AGBL1: variants seen among roughly 807,000 people sequenced by gnomAD.
AGBL1 encodes cytosolic carboxypeptidase 4.
AGBL1 carries 130 observed loss-of-function variants against 118.9 expected under a neutral mutation model. That is an observed-to-expected ratio of 1.09 (90% confidence interval 0.95 to 1.26). The LOEUF (loss-of-function observed/expected upper bound fraction) is 1.26. Among genes scored for constraint, AGBL1 ranks in the 50% most tolerant of loss-of-function variants. AGBL1 has a pLI of 0.00. For missense variants in AGBL1, 1,584 were observed against 1,298.1 expected, an observed-to-expected ratio of 1.22 and a Z score of -3.38; for synonymous variants, 555 against 478.9, an observed-to-expected ratio of 1.16 and a Z score of -2.08.
At position 86,986,693 on chromosome 15, in the gene AGBL1, C is replaced by T. The variant is rs147219277; in HGVS notation, c.3222-1294C>T. 6.7e-4 allele frequency among the ~76,000 whole-genome samples: 102 copies of T among 152,220 alleles called. 1 individual carries two copies. Among genetic ancestry groups the T allele is most frequent in the Non-Finnish European group, 8.7e-4 (59 of 68,022 alleles). ...GAATGATCAATAGATGAACATTGTACATCTCTTCATTTATTTGTGTTTATT... is the reference window on the plus strand; with the variant it reads ...GAATGATCAATAGATGAACATTGTATATCTCTTCATTTATTTGTGTTTATT... On this transcript the variant is annotated intron_variant, in intron 23 of 24. Coordinates refer to the AGBL1 transcript ENST00000441037.
chr15:86,680,846 C>T (rs1220249636), intron 22 of AGBL1, among the ~76,000 whole-genome samples: 1 of 151,966 alleles, frequency 6.6e-6, no homozygotes, highest in African/African-American at 2.4e-5. Flanking sequence ...GGATTACAGG[C>T]GTGAGCCACT....
At chr15:86,253,263 TG>T (rs1243176985) in intron 7 of AGBL1, among the ~76,000 whole-genome samples, 1 of 152,136 alleles carries the variant, frequency 6.6e-6, no homozygotes, top group African/African-American at 2.4e-5. Context: ...TTGTTTGTTT[TG>T]TTTTGAGATG....
chr15:86,338,469 T>G (rs4887437), intron 17 of AGBL1, among the ~76,000 whole-genome samples: 76,149 of 151,614 alleles, frequency 0.5, 20,295 homozygotes, highest in Non-Finnish European at 0.6. Flanking sequence ...GAGTGATACG[T>G]TATGTTTTAT....
intron 24 of AGBL1, among the ~76,000 whole-genome samples, chr15:86,993,253 A>AT (rs2081350284): frequency 6.6e-6 from 1 of 152,184 alleles, no homozygotes; most frequent in South Asian, 2.1e-4. Context: ...TTCTCCTTGT[A>AT]ACCCCAGTTT....
At chr15:86,564,984 G>C (rs1330200166) in intron 21 of AGBL1, among the ~76,000 whole-genome samples, 2 of 152,034 alleles carry the variant, frequency 1.3e-5, no homozygotes, top group African/African-American at 4.8e-5. Flanking sequence ...AGCTCCATCA[G>C]GTCCTTTAAG....
At chr15:86,624,803 G>A (rs976368652) in intron 21 of AGBL1, among the ~76,000 whole-genome samples, 3 of 152,114 alleles carry the variant, frequency 2.0e-5, no homozygotes, top group African/African-American at 7.2e-5. Flanking sequence ...AGGGAGACAA[G>A]GTCTGAAAGG....
chr15:86,796,530 A>C (rs74808421), intron 22 of AGBL1, among the ~76,000 whole-genome samples: 1,566 of 152,338 alleles, frequency 0.01, 28 homozygotes, highest in African/African-American at 0.036. Flanking sequence ...AGAATCTTTA[A>C]TAGTGGCCCA....
intron 23 of AGBL1, among the ~76,000 whole-genome samples, chr15:86,967,720 T>G (rs2081068948): frequency 6.6e-6 from 1 of 152,176 alleles, no homozygotes; most frequent in Non-Finnish European, 1.5e-5. Context: ...GCTGCTTTGG[T>G]TACTGTAGCC....
chr15:86,709,886 AATTGCT>A (rs1333130675), intron 22 of AGBL1, among the ~76,000 whole-genome samples: 1 of 152,134 alleles, frequency 6.6e-6, no homozygotes, highest in Non-Finnish European at 1.5e-5. Flanking sequence ...TAAATCTCCT[AATTGCT>A]ATTTGTGTTC....
At chr15:86,319,410 T>C (rs879473557) in intron 17 of AGBL1, among the ~76,000 whole-genome samples, 7 of 152,152 alleles carry the variant, frequency 4.6e-5, no homozygotes, top group Admixed American at 4.6e-4. Context: ...TAAATAAGGT[T>C]GAACATTTTC....
At chr15:86,846,919 T>A (rs377505488) in intron 22 of AGBL1, among the ~76,000 whole-genome samples, 2 of 152,214 alleles carry the variant, frequency 1.3e-5, no homozygotes, top group African/African-American at 2.4e-5. Flanking sequence ...CTAAAATGTA[T>A]GTATTGACAC....
At chr15:86,569,293 T>C (rs1473318363) in intron 21 of AGBL1, among the ~76,000 whole-genome samples, 2 of 151,718 alleles carry the variant, frequency 1.3e-5, no homozygotes, top group East Asian at 3.9e-4. Flanking sequence ...CAGCCGACCA[T>C]GGTGGCACGT....
intron 17 of AGBL1, among the ~76,000 whole-genome samples, chr15:86,329,737 T>G (rs996178599): frequency 6.6e-6 from 1 of 152,002 alleles, no homozygotes; most frequent in Admixed American, 6.5e-5. Flanking sequence ...ACTCTTTCTG[T>G]GAAGAGATTT....
At chr15:86,546,983 G>A (rs2083592598) in intron 20 of AGBL1, among the ~76,000 whole-genome samples, 1 of 152,088 alleles carries the variant, frequency 6.6e-6, no homozygotes, top group South Asian at 2.1e-4. Context: ...GTTAATGATA[G>A]TATTAAGAGG....
intron 18 of AGBL1, among the ~76,000 whole-genome samples, chr15:86,521,829 G>A (rs1363122337): frequency 6.6e-6 from 1 of 152,178 alleles, no homozygotes; most frequent in Non-Finnish European, 1.5e-5. Flanking sequence ...GCTTGGGTGT[G>A]GAAGGACAAT....
Position 86,502,083 on chromosome 15 carries a change from T to G in AGBL1, c.2556-20727T>G, listed in dbSNP as rs147646013. 2.9e-3 allele frequency among the ~76,000 whole-genome samples: 437 copies of G among 151,720 alleles called. 3 individuals carry two copies. Among genetic ancestry groups the G allele is most frequent in the African/African-American group, 9.8e-3 (408 of 41,520 alleles). On this transcript the variant is annotated intron_variant, in intron 18 of 22. Transcript: ENST00000614907. ...TTCAAGTTCATGAGTACAGGATATC[T>G]TACATTTGTTGAAGTGCTCTTTAAT...
At chr15:86,720,797 T>C (rs956467511) in intron 22 of AGBL1, among the ~76,000 whole-genome samples, 2 of 151,886 alleles carry the variant, frequency 1.3e-5, no homozygotes, top group African/African-American at 4.8e-5. Flanking sequence ...ATAGACACAA[T>C]AAAAAATGAT....
chr15:86,394,118 A>G (rs779031091), intron 17 of AGBL1, among the ~76,000 whole-genome samples: 3 of 152,108 alleles, frequency 2.0e-5, no homozygotes, highest in Non-Finnish European at 4.4e-5. Context: ...AGACAAATCC[A>G]TTGCCCAGTT....
intron 23 of AGBL1, among the ~76,000 whole-genome samples, chr15:86,958,294 C>T (rs939514927): frequency 6.6e-6 from 1 of 151,722 alleles, no homozygotes; most frequent in Non-Finnish European, 1.5e-5. Flanking sequence ...TCAACAGTGT[C>T]CCTGGCCACT....
Sources: gnomAD v4.1 joint callset for allele counts (sites outside exome capture counted in the v4.1 genomes callset) on GRCh38, gnomAD v4.1.1 for gene constraint, MANE v1.5 for transcripts, NCBI Gene and HGNC (gene_info 2026-07-23, HGNC 2026-07-21) for gene names.